The following KIFAP3 variants were observed in gnomAD, a reference collection of about 807,000 sequenced individuals.
KIFAP3 encodes the protein kinesin associated protein 3, also known as kinesin-associated protein 3.
A neutral mutation model predicts 106.5 loss-of-function variants in KIFAP3; 68 were observed. That is an observed-to-expected ratio of 0.64 (90% CI 0.53 to 0.78). The LOEUF is 0.78. Among genes scored for constraint, KIFAP3 ranks in the 30% least tolerant of loss-of-function variants. The probability of loss-of-function intolerance (pLI) is 0.00; values close to 1 mark genes in which losing one functional copy is unlikely to be tolerated. For missense variants in KIFAP3, 780 were observed against 941.8 expected (o/e 0.83, Z 2.25); for synonymous variants, 320 against 311.5 (o/e 1.03, Z -0.29).
intron 9 of KIFAP3, 129 bp downstream of exon 9, chr1:170,024,289 T>A (rs944095589): frequency 3.6e-6 from 2 of 552,214 alleles, no homozygotes; most frequent in South Asian, 2.9e-5. Context: ...TATCAGTGAG[T>A]TATTGCTATT....
At chr1:170,042,288 T>C (rs1248615174) in intron 3 of KIFAP3, among the ~76,000 whole-genome samples, 1 of 152,164 alleles carries the variant, frequency 6.6e-6, no homozygotes, top group Non-Finnish European at 1.5e-5. Context: ...TCTTTCATAA[T>C]CAGCAAGCAG....
chr1:170,017,579 G>A (rs1000526356), intron 9 of KIFAP3, among the ~76,000 whole-genome samples: 1 of 152,144 alleles, frequency 6.6e-6, no homozygotes, highest in South Asian at 2.1e-4. Context: ...CTGGCAGAAG[G>A]CTATAAGACA....
chr1:169,944,356 C>T (rs996387085), intron 19 of KIFAP3, among the ~76,000 whole-genome samples: 6 of 152,154 alleles, frequency 3.9e-5, no homozygotes, highest in African/African-American at 9.7e-5. Context: ...TGAGCAACTG[C>T]GTCTGGATGA....
Position 170,024,550 on chromosome 1 carries a change from T to C in KIFAP3, c.888A>G (p.Glu296=). 6.2e-7 allele frequency: 1 copy of C among 1,603,522 alleles called. No homozygotes were observed. Among genetic ancestry groups the C allele is most frequent in the Non-Finnish European group, 8.5e-7 (1 of 1,174,962 alleles). Residue 296 remains glutamate, a synonymous_variant, in exon 9 of 20, where the codon GAA becomes GAG. Coordinates refer to ENST00000361580, the MANE Select transcript of KIFAP3 (RefSeq NM_014970.4). ...LLNLAEDTRT[E]LKMRNKNIVH... Reference sequence around the variant, plus strand: ...CTATGTTCTTGTTCCTCATTTTCAGTTCGGTACGAGTATCCTCAGCAAGAT... The same window carrying C: ...CTATGTTCTTGTTCCTCATTTTCAGCTCGGTACGAGTATCCTCAGCAAGAT...
At chr1:169,998,381 G>GAT (rs67634163) in intron 10 of KIFAP3, among the ~76,000 whole-genome samples, 18 of 136,950 alleles carry the variant, frequency 1.3e-4, no homozygotes, top group Middle Eastern at 3.8e-3. Context: ...TGCTTCACCA[G>GAT]ATATATATAT....
intron 17 of KIFAP3, among the ~76,000 whole-genome samples, chr1:169,968,657 A>G (rs1185545664): frequency 6.6e-6 from 1 of 151,944 alleles, no homozygotes; most frequent in East Asian, 1.9e-4. Context: ...CATACATAAT[A>G]AAGTTGATTT....
At chr1:169,968,537 GATTA>G (rs1011420219) in intron 17 of KIFAP3, among the ~76,000 whole-genome samples, 1 of 151,734 alleles carries the variant, frequency 6.6e-6, no homozygotes, top group Non-Finnish European at 1.5e-5. Context: ...AGCAAGTCTG[GATTA>G]ATTTAGTTGC....
intron 19 of KIFAP3, among the ~76,000 whole-genome samples, chr1:169,948,238 T>C (rs1056617950): frequency 6.6e-6 from 1 of 151,898 alleles, no homozygotes; most frequent in African/African-American, 2.4e-5. Context: ...CTTTGATGTG[T>C]GGGTATTAGC....
At position 170,055,291 on chromosome 1, in the gene KIFAP3, A is replaced by G; in HGVS notation, c.164+14T>C. ...GTTCACTACTTTCAAAATGTGCACA[A>G]ATAAAGAACTTACATTTTTTGACAT... On this transcript the variant is annotated intron_variant, in intron 2 of 19. Coordinates refer to ENST00000361580, the MANE Select transcript of KIFAP3 (RefSeq NM_014970.4). The G allele has an allele frequency of 1.3e-6, 2 of 1,592,118 alleles. No homozygotes were observed. Among genetic ancestry groups the G allele is most frequent in the East Asian group, 2.2e-5 (1 of 44,540 alleles).
rs1232785354 is a variant in KIFAP3 at position 170,034,401 on chromosome 1, T to C, written c.713A>G (p.Gln238Arg). ...TTTCTTCTTCTTTGAGAGTTCTTCT[T>C]GCCAAAGCTCATGTCTTTTTAACTC... is the stretch of plus-strand genomic sequence containing the variant. ...DHELKRHELW[Q>R]EELSKKKKAV... Residue 238 changes from glutamine (Q) to arginine (R), a missense_variant, in exon 7 of 20, where the codon CAA (glutamine) becomes CGA (arginine). Physicochemically the swap from Gln to Arg is conservative, Grantham distance 43. Transcript: ENST00000361580. The C allele has an allele frequency of 8.1e-6, 13 of 1,606,482 alleles. No individual in the cohort carries two copies. The highest frequency in any genetic ancestry group is 2.2e-5 in the South Asian group (2 of 89,046).
At chr1:170,021,856 G>T (rs1319437401) in intron 9 of KIFAP3, among the ~76,000 whole-genome samples, 2 of 150,772 alleles carry the variant, frequency 1.3e-5, no homozygotes, top group East Asian at 3.9e-4. Context: ...ATGTCTTTTT[G>T]GTTGATAAAA....
chr1:169,945,433 C>A (rs998457146), intron 19 of KIFAP3, among the ~76,000 whole-genome samples: 32 of 152,290 alleles, frequency 2.1e-4, no homozygotes, highest in Non-Finnish European at 3.1e-4. Context: ...GGGCAGGGCT[C>A]ATGCCTCTTC....
At chr1:170,067,628 T>G (rs1671508439) in intron 1 of KIFAP3, 1 of 152,236 alleles carries the variant, frequency 6.6e-6, no homozygotes, top group Non-Finnish European at 1.5e-5. Context: ...TTTGTCTGAT[T>G]GTTTTGCAAC....
At chr1:169,935,087 T>C (rs1663713219) in intron 19 of KIFAP3, among the ~76,000 whole-genome samples, 1 of 152,134 alleles carries the variant, frequency 6.6e-6, no homozygotes, top group Non-Finnish European at 1.5e-5. Flanking sequence ...AAAATGCTTT[T>C]TAAAAATACT....
intron 10 of KIFAP3, among the ~76,000 whole-genome samples, chr1:170,004,876 G>C (rs1667864619): frequency 6.6e-6 from 1 of 151,612 alleles, no homozygotes; most frequent in Non-Finnish European, 1.5e-5. Flanking sequence ...TTAAACTAAA[G>C]AACTTCTGCA....
chr1:169,983,314 T>A lies in KIFAP3; in HGVS notation c.1462A>T (p.Arg488Ter). Reference protein sequence around the residue: ...FKDPLLMKMIRNISQHDGPTK... With the variant: ...FKDPLLMKMI ...GGTCCATCATGCTGAGAAATGTTTC[T>A]AATCATTTTCATCAGCAATGGATCC... Residue 488 changes from arginine to a stop codon, truncating the protein, a stop_gained, in exon 13 of 20, where the codon AGA becomes TGA. Transcript: ENST00000361580. LOFTEE classifies it high-confidence loss of function. The A allele has an allele frequency of 6.2e-7, 1 of 1,609,588 alleles. No individual in the cohort carries two copies. The highest frequency in any genetic ancestry group is 8.5e-7 in the Non-Finnish European group (1 of 1,177,698).
At chr1:170,054,289 T>G (rs192775600) in intron 2 of KIFAP3, among the ~76,000 whole-genome samples, 1 of 152,266 alleles carries the variant, frequency 6.6e-6, no homozygotes, top group African/African-American at 2.4e-5. Flanking sequence ...AAAATCACAA[T>G]GAGATACCAT....
chr1:170,015,386 A>G (rs537117358), intron 10 of KIFAP3, among the ~76,000 whole-genome samples: 1 of 152,274 alleles, frequency 6.6e-6, no homozygotes, highest in East Asian at 1.9e-4. Context: ...CTTTACTCTT[A>G]AAGTTTTCCT....
chr1:170,035,306 G>C, intron 6 of KIFAP3, 148 bp downstream of exon 6: 1 of 480,068 alleles, frequency 2.1e-6, no homozygotes. Flanking sequence ...GACAGACAAT[G>C]GAAAACAGGA....
Sources: allele counts gnomAD v4.1 joint callset (sites outside exome capture counted in the v4.1 genomes callset), GRCh38; gene constraint gnomAD v4.1.1; transcripts MANE v1.5; gene names NCBI Gene and HGNC (gene_info 2026-07-23, HGNC 2026-07-21).